Variants in DHRS7B observed in about 807,000 individuals in gnomAD.
DHRS7B encodes the protein peroxisomal reductase activating PPAR-gamma.
In DHRS7B, 24 loss-of-function variants were observed where a neutral mutation model predicts 26.4. The observed-to-expected ratio is 0.91, with a 90% CI of 0.66 to 1.28. DHRS7B has a LOEUF of 1.28. DHRS7B is among the 50% of genes most tolerant of loss of function. The pLI is 0.00. For missense variants in DHRS7B, 368 were observed against 419.4 expected (o/e 0.88, Z 1.07); for synonymous variants, 142 against 166.4 (o/e 0.85, Z 1.13).
At chr17:21,180,073 CTTTT>C (rs59348588) in intron 3 of DHRS7B, among the ~76,000 whole-genome samples, 4 of 121,912 alleles carry the variant, frequency 3.3e-5, no homozygotes, top group Middle Eastern at 4.3e-3. Context: ...AGCCCACTTT[CTTTT>C]TTTTTTTTTT....
chr17:21,188,968 G>T (rs1301535087), intron 6 of DHRS7B, 105 bp downstream of exon 6: 2 of 1,502,490 alleles, frequency 1.3e-6, no homozygotes, highest in African/African-American at 1.4e-5. Context: ...ATTTGGAAGA[G>T]AACTTTTAAA....
At chr17:21,132,046 A>G (rs1254580055) in intron 1 of DHRS7B, among the ~76,000 whole-genome samples, 3 of 152,196 alleles carry the variant, frequency 2.0e-5, no homozygotes, top group Admixed American at 2.0e-4. Flanking sequence ...TGAGTTGTTA[A>G]AACTTCAGAC....
At chr17:21,165,196 G>A (rs2144077971) in intron 1 of DHRS7B, among the ~76,000 whole-genome samples, 1 of 152,124 alleles carries the variant, frequency 6.6e-6, no homozygotes, top group Admixed American at 6.6e-5. Flanking sequence ...CCCCATGCTG[G>A]CTTGGTGTTT....
rs1201483894 is a variant in DHRS7B at position 21,184,503 on chromosome 17, G to GT, written c.619+46dup. The GT allele has an allele frequency of 2.6e-6, 4 of 1,552,468 alleles. No individual in the cohort carries two copies. In the African/African-American group the frequency reaches 5.5e-5, roughly 21 times the overall value. On this transcript the variant is annotated intron_variant, in intron 5 of 6. Transcript: ENST00000395511. Reference sequence around the variant, plus strand: ...CTCCCACAAAATGCTTGGCTTTATTGTTTTTTCCTGATTATAAAAATAACA... The same window carrying GT: ...CTCCCACAAAATGCTTGGCTTTATTGTTTTTTTCCTGATTATAAAAATAACA...
chr17:21,141,437 G>T (rs1757098021), intron 1 of DHRS7B, among the ~76,000 whole-genome samples: 1 of 151,752 alleles, frequency 6.6e-6, no homozygotes, highest in Non-Finnish European at 1.5e-5. Flanking sequence ...CTTCAGACAG[G>T]AACAAATAGC....
intron 1 of DHRS7B, among the ~76,000 whole-genome samples, chr17:21,140,019 A>ATTTTT (rs1188887493): frequency 8.3e-5 from 5 of 60,398 alleles, no homozygotes; most frequent in South Asian, 1.3e-3. Flanking sequence ...AGACTTTCAG[A>ATTTTT]TTCTTTTTTT....
At chr17:21,176,550 A>C (rs541536441) in intron 2 of DHRS7B, among the ~76,000 whole-genome samples, 118 of 152,150 alleles carry the variant, frequency 7.8e-4, no homozygotes, top group African/African-American at 2.7e-3. Context: ...ACAGTGAACT[A>C]TAATTGTGCC....
Position 21,163,193 on chromosome 17 carries a change from CA to C in DHRS7B, c.21-8815del, listed in dbSNP as rs66531165. On this transcript the variant is annotated intron_variant, in intron 1 of 6. Coordinates refer to ENST00000395511, the MANE Select transcript of DHRS7B (RefSeq NM_015510.5). ...CCTGGGTGACAGAGCAAGACTGTCT[CA>C]AAAAAAAAACCAAAAAAAACCAAAA... 3.4e-5 allele frequency among the ~76,000 whole-genome samples: 5 copies of C among 145,316 alleles called. 1 individual carries two copies. Among genetic ancestry groups the C allele is most frequent in the Non-Finnish European group, 4.5e-5 (3 of 66,318 alleles).
intron 1 of DHRS7B, among the ~76,000 whole-genome samples, chr17:21,158,195 C>T (rs569150839): frequency 6.6e-6 from 1 of 152,234 alleles, no homozygotes; most frequent in East Asian, 1.9e-4. Flanking sequence ...CAAGGATGTT[C>T]CCTCTCACCA....
At chr17:21,132,255 C>T (rs1973245329) in intron 1 of DHRS7B, among the ~76,000 whole-genome samples, 1 of 151,456 alleles carries the variant, frequency 6.6e-6, no homozygotes, top group South Asian at 2.1e-4. Context: ...AATCCCAGCA[C>T]TTTAGGAGGC....
intron 1 of DHRS7B, among the ~76,000 whole-genome samples, chr17:21,129,720 A>G (rs1052964998): frequency 2.8e-5 from 4 of 144,930 alleles, no homozygotes; most frequent in Non-Finnish European, 5.9e-5. Context: ...AAAAAAAAAA[A>G]AAAAGAAAAA....
chr17:21,175,692 C>T (rs184342676), intron 2 of DHRS7B, among the ~76,000 whole-genome samples: 81 of 152,202 alleles, frequency 5.3e-4, no homozygotes, highest in African/African-American at 1.8e-3. Context: ...AATCCCAGCA[C>T]TTTTGGAGGC....
At chr17:21,127,222 C>A (rs1973119464) in intron 1 of DHRS7B, 2 of 498,016 alleles carry the variant, frequency 4.0e-6, no homozygotes, top group African/African-American at 4.1e-5. Flanking sequence ...ACCCGCCTGT[C>A]GCCGAGGTGT....
chr17:21,137,107 A>G (rs1973361528), intron 1 of DHRS7B, among the ~76,000 whole-genome samples: 2 of 149,830 alleles, frequency 1.3e-5, no homozygotes, highest in African/African-American at 4.9e-5. Context: ...TGTAGCTGGG[A>G]TTACAGGCGC....
chr17:21,160,229 G>A (rs917027502), intron 1 of DHRS7B, among the ~76,000 whole-genome samples: 6 of 151,646 alleles, frequency 4.0e-5, no homozygotes, highest in Non-Finnish European at 1.5e-5. Flanking sequence ...TGGTGGTGTG[G>A]GCCTGTAATC....
At chr17:21,190,595 G>C (rs1974754301) in intron 6 of DHRS7B, among the ~76,000 whole-genome samples, 1 of 152,162 alleles carries the variant, frequency 6.6e-6, no homozygotes, top group Non-Finnish European at 1.5e-5. Context: ...GGTGTGAGGG[G>C]GTCACTCTGA....
intron 1 of DHRS7B, among the ~76,000 whole-genome samples, chr17:21,153,599 A>C (rs950358676): frequency 2.0e-5 from 3 of 152,162 alleles, no homozygotes; most frequent in African/African-American, 4.8e-5. Flanking sequence ...TTATAAAAAA[A>C]CAGAAATGTC....
At chr17:21,132,481 T>G (rs1468428599) in intron 1 of DHRS7B, among the ~76,000 whole-genome samples, 1 of 138,754 alleles carries the variant, frequency 7.2e-6, no homozygotes. Flanking sequence ...CAGTGAGCTA[T>G]GATCACACCA....
intron 1 of DHRS7B, among the ~76,000 whole-genome samples, chr17:21,129,039 A>C (rs960016924): frequency 6.6e-6 from 1 of 152,224 alleles, no homozygotes. Context: ...TACTTATTGA[A>C]CGTTTACAGT....
Sources: gnomAD v4.1 joint callset for allele counts (sites outside exome capture counted in the v4.1 genomes callset) on GRCh38, gnomAD v4.1.1 for gene constraint, MANE v1.5 for transcripts, NCBI Gene and HGNC (gene_info 2026-07-23, HGNC 2026-07-21) for gene names.